EFHC2: variants seen among roughly 807,000 people sequenced by gnomAD.
The protein encoded by EFHC2 is EF-hand domain containing 2.
EFHC2 carries 18 observed loss-of-function variants against 52.7 expected under a neutral mutation model. That is an observed-to-expected ratio of 0.34 (90% CI 0.24 to 0.51). EFHC2 has a LOEUF of 0.51. EFHC2 is among the 20% of genes least tolerant of loss of function. The pLI is 0.97. For missense variants in EFHC2, 513 were observed against 562.5 expected, an observed-to-expected ratio of 0.91 and a Z score of 0.89; for synonymous variants, 203 against 204.1, an observed-to-expected ratio of 0.99 and a Z score of 0.04.
rs1602215774 is a variant in EFHC2 at position 44,319,491 on chromosome X, A to G, written c.43-6735T>C. On this transcript the variant is annotated intron_variant, in intron 1 of 14. Transcript: ENST00000420999. ...ATGGAGACGATTTCAGAGGGCGCGC[A>G]AGAATGTTCATCTTCCTCTATCCTC... is the stretch of plus-strand genomic sequence containing the variant. Among the ~76,000 whole-genome samples, 6 of 111,608 alleles carry G rather than the reference A, an allele frequency of 5.4e-5. No individual in the cohort carries two copies. The Admixed American group carries it at 5.7e-4, about 11-fold the overall frequency.
At chrX:44,221,463 A>T (rs1018249470) in intron 11 of EFHC2, among the ~76,000 whole-genome samples, 1 of 111,653 alleles carries the variant, frequency 9.0e-6, no homozygotes, top group African/African-American at 3.2e-5. Flanking sequence ...TCTTCTATAG[A>T]CTCTACACTG....
chrX:44,181,795 C>T (rs1271288108), intron 11 of EFHC2, among the ~76,000 whole-genome samples: 1 of 112,701 alleles, frequency 8.9e-6, no homozygotes, highest in Non-Finnish European at 1.9e-5. Context: ...ACAAGCCTCA[C>T]CTTGCAGACC....
intron 14 of EFHC2, among the ~76,000 whole-genome samples, chrX:44,162,020 C>T (rs1286014036): frequency 8.9e-6 from 1 of 111,978 alleles, no homozygotes; most frequent in Non-Finnish European, 1.9e-5. Flanking sequence ...AATAAATGCA[C>T]CTATGATTGC....
intron 7 of EFHC2, among the ~76,000 whole-genome samples, chrX:44,247,887 A>G (rs1256626406): frequency 8.9e-6 from 1 of 112,105 alleles, no homozygotes; most frequent in African/African-American, 3.2e-5. Context: ...CAATAACTCA[A>G]TTAGGTATAT....
Position 44,262,512 on chromosome X carries a change from C to CAA in EFHC2, c.383-1216_383-1215dup, listed in dbSNP as rs749239313. Reference sequence around the variant, plus strand: ...TGGGCAACAGAGCAAAGCCCTGTCTCAAAAAAAAAAAAAAAAAAAAAAAGA... The same window carrying CAA: ...TGGGCAACAGAGCAAAGCCCTGTCTCAAAAAAAAAAAAAAAAAAAAAAAAAGA... On this transcript the variant is annotated intron_variant, in intron 3 of 14. Transcript: ENST00000420999. 9.8e-3 allele frequency among the ~76,000 whole-genome samples: 279 copies of CAA among 28,597 alleles called. 2 individuals carry two copies. Among genetic ancestry groups the CAA allele is most frequent in the East Asian group, 0.031 (22 of 716 alleles). 24.8% of individuals were successfully genotyped at this position (28,597 alleles called of 115,157 possible). A position where few individuals can be genotyped will look rare whatever the true frequency, so the allele number is the denominator to read the frequency against.
At chrX:44,300,261 C>G (rs1013291159) in intron 2 of EFHC2, among the ~76,000 whole-genome samples, 3 of 111,040 alleles carry the variant, frequency 2.7e-5, no homozygotes, top group Non-Finnish European at 5.7e-5. Context: ...GAACTAAAAT[C>G]TTATAAATGA....
intron 14 of EFHC2, among the ~76,000 whole-genome samples, chrX:44,158,375 C>T (rs906231246): frequency 9.0e-6 from 1 of 111,325 alleles, no homozygotes; most frequent in African/African-American, 3.3e-5. Flanking sequence ...TTCTACAGAG[C>T]TCTTCATAAC....
chrX:44,308,157 TA>T (rs2037919552), intron 2 of EFHC2, among the ~76,000 whole-genome samples: 1 of 111,079 alleles, frequency 9.0e-6, no homozygotes, highest in Non-Finnish European at 1.9e-5. Context: ...ACATAGTAAA[TA>T]TAAATGAATT....
intron 1 of EFHC2, among the ~76,000 whole-genome samples, chrX:44,315,945 G>A (rs2037980292): frequency 9.0e-6 from 1 of 111,468 alleles, no homozygotes; most frequent in Non-Finnish European, 1.9e-5. Context: ...CCCTCATCAG[G>A]CCACTGGAAT....
At chrX:44,204,318 C>T (rs954696782) in intron 11 of EFHC2, among the ~76,000 whole-genome samples, 1 of 106,857 alleles carries the variant, frequency 9.4e-6, no homozygotes, top group Non-Finnish European at 1.9e-5. Flanking sequence ...GTACAGAAAA[C>T]CAGAGTGTTT....
At chrX:44,289,443 T>G (rs1409192741) in intron 2 of EFHC2, among the ~76,000 whole-genome samples, 1 of 111,136 alleles carries the variant, frequency 9.0e-6, no homozygotes, top group Non-Finnish European at 1.9e-5. Context: ...AGTCACATTT[T>G]CCCCTAAAAG....
Position 44,340,224 on chromosome X carries a change from C to T in EFHC2, c.42+3323G>A, listed in dbSNP as rs181769015. Among the ~76,000 whole-genome samples the T allele has an allele frequency of 5.4e-5, 6 of 111,258 alleles. No homozygotes were observed. The Admixed American group carries it at 5.8e-4, about 11-fold the overall frequency. Reference sequence around the variant, plus strand: ...AAACATCATTAAGAGAAGGAAAAGGCCAATCACAGACAAGAAGATACCCAA... The same window carrying T: ...AAACATCATTAAGAGAAGGAAAAGGTCAATCACAGACAAGAAGATACCCAA... On this transcript the variant is annotated intron_variant, in intron 1 of 14. Transcript: ENST00000420999.
chrX:44,316,609 C>T (rs965105780), intron 1 of EFHC2, among the ~76,000 whole-genome samples: 3 of 112,080 alleles, frequency 2.7e-5, no homozygotes, highest in Non-Finnish European at 5.6e-5. Flanking sequence ...CCCAGCAACA[C>T]TTTAAGAGGC....
intron 13 of EFHC2, among the ~76,000 whole-genome samples, chrX:44,170,326 T>C (rs1335845895): frequency 9.0e-6 from 1 of 111,446 alleles, no homozygotes; most frequent in Non-Finnish European, 1.9e-5. Context: ...TGCCATCATT[T>C]GTTATTATAA....
chrX:44,231,873 GTTA>G (rs2037280798), intron 10 of EFHC2, among the ~76,000 whole-genome samples: 1 of 111,916 alleles, frequency 8.9e-6, no homozygotes, highest in Non-Finnish European at 1.9e-5. Flanking sequence ...TTATCAATAT[GTTA>G]TTTTTACCGA....
intron 4 of EFHC2, among the ~76,000 whole-genome samples, chrX:44,258,059 T>G (rs186572725): frequency 8.9e-6 from 1 of 111,999 alleles, no homozygotes; most frequent in Non-Finnish European, 1.9e-5. Flanking sequence ...TAATAAATGG[T>G]GTTGGGAAAA....
At chrX:44,275,678 C>T (rs941050683) in intron 2 of EFHC2, among the ~76,000 whole-genome samples, 11 of 108,445 alleles carry the variant, frequency 1.0e-4, no homozygotes, top group Non-Finnish European at 1.9e-4. Flanking sequence ...CTTTGGGAAG[C>T]CGACGCAGGT....
intron 10 of EFHC2, among the ~76,000 whole-genome samples, chrX:44,232,139 TTTC>T (rs1397444673): frequency 1.8e-5 from 2 of 112,648 alleles, no homozygotes; most frequent in African/African-American, 6.5e-5. Context: ...GCACCAGATT[TTTC>T]TTCCTTTCCT....
chrX:44,269,860 T>C (rs1240868062), intron 3 of EFHC2, among the ~76,000 whole-genome samples: 1 of 112,040 alleles, frequency 8.9e-6, no homozygotes, highest in African/African-American at 3.2e-5. Flanking sequence ...CTACTTTAGA[T>C]GGTCATCAGG....
Sources: allele counts gnomAD v4.1 joint callset (sites outside exome capture counted in the v4.1 genomes callset), GRCh38; gene constraint gnomAD v4.1.1; transcripts MANE v1.5; gene names NCBI Gene and HGNC (gene_info 2026-07-23, HGNC 2026-07-21).